The following SLC28A2 variants were observed in gnomAD, a reference collection of about 807,000 sequenced individuals.
The protein encoded by SLC28A2 is solute carrier family 28 member 2.
A neutral mutation model predicts 72.9 loss-of-function variants in SLC28A2; 69 were observed. The observed-to-expected ratio is 0.95, with a 90% CI of 0.78 to 1.16. The LOEUF is 1.16. Ranked by LOEUF, SLC28A2 falls within the 50% of genes most tolerant of loss-of-function variation. SLC28A2 has a pLI of 0.00. For synonymous variants in SLC28A2, 296 were observed against 294.1 expected, an observed-to-expected ratio of 1.01 and a Z score of -0.07; for missense variants, 745 against 791.1, an observed-to-expected ratio of 0.94 and a Z score of 0.70.
In SLC28A2 at chr15:45,272,306, C is replaced by T. The variant is rs751869186; in HGVS notation, c.1660C>T (p.Pro554Ser). The change falls in exon 16 of 18, where the codon CCT becomes TCT. Residue 554 changes from proline to serine, a missense_variant. By Grantham distance (74) the Pro-to-Ser change is moderately conservative. Transcript: ENST00000347644. ...ITLGGLTSIV[P>S]HRKSDLSKVV... ...TTTATTGTCTGCAGCATCAATAGTA[C>T]CTCACCGGAAGAGTGACTTGTCCAA... 2 of 1,613,500 alleles carry T rather than the reference C, an allele frequency of 1.2e-6. No individual in the cohort carries two copies. The highest frequency in any genetic ancestry group is 1.7e-5 in the Admixed American group (1 of 59,974).
At position 45,275,544 on chromosome 15, in the gene SLC28A2, G is replaced by C. The variant is rs755057920; in HGVS notation, c.*31G>C. 7.2e-7 allele frequency: 1 copy of C among 1,394,118 alleles called. No individual in the cohort carries two copies. Among genetic ancestry groups the C allele is most frequent in the East Asian group, 2.3e-5 (1 of 43,794 alleles). 86.4% of individuals were successfully genotyped at this position (1,394,118 alleles called of 1,614,324 possible). A position where few individuals can be genotyped will look rare whatever the true frequency, so the allele number is the denominator to read the frequency against. ...CTTGATCTATTTCTATAACAGTTTT[G>C]ATCTTAAAAGCTTTGTGATTGCAAA... On this transcript the variant is annotated 3_prime_UTR_variant, in exon 18 of 18. Coordinates refer to ENST00000347644, the MANE Select transcript of SLC28A2 (RefSeq NM_004212.4).
At chr15:45,267,330 C>A in intron 10 of SLC28A2, 125 bp from the exon 11 acceptor site, 1 of 1,030,224 alleles carries the variant, frequency 9.7e-7, no homozygotes, top group Non-Finnish European at 1.5e-6. Flanking sequence ...AGCTGTGGCT[C>A]ACTTAACAGT....
chr15:45,270,299 C>G (rs1567062039), intron 15 of SLC28A2, 23 bp downstream of exon 15: 2 of 1,539,884 alleles, frequency 1.3e-6, no homozygotes, highest in Non-Finnish European at 1.8e-6. Flanking sequence ...ATTTTCCCAG[C>G]TCCCCAGTAA....
At position 45,268,260 on chromosome 15, in the gene SLC28A2, T is replaced by C. The variant is rs780988287; in HGVS notation, c.1250T>C (p.Ile417Thr). The change falls in exon 13 of 18, where the codon ATA becomes ACA. Residue 417 changes from isoleucine (I) to threonine (T), a missense_variant. By Grantham distance (89) the Ile-to-Thr change is moderately conservative (BLOSUM62 -1). Transcript: ENST00000347644. The part of the protein sequence containing the change: ...EAASNGAVDA[I>T]GLATNVAANL... ...GCCAGCAACGGAGCCGTAGATGCCA[T>C]AGGCCTTGCTACTAATGTAGCAGCC... 3.8e-5 allele frequency: 62 copies of C among 1,612,204 alleles called. 5 individuals are homozygous for C. In the South Asian group the frequency reaches 5.4e-4, roughly 14 times the overall value.
intron 3 of SLC28A2, among the ~76,000 whole-genome samples, chr15:45,254,276 G>A (rs1899905038): frequency 6.6e-6 from 1 of 152,172 alleles, no homozygotes; most frequent in Non-Finnish European, 1.5e-5. Context: ...ATACGGTCAT[G>A]AGCTACATAA....
intron 3 of SLC28A2, among the ~76,000 whole-genome samples, chr15:45,257,448 G>T (rs957891020): frequency 1.6e-4 from 25 of 151,920 alleles, no homozygotes; most frequent in African/African-American, 5.8e-4. Flanking sequence ...CTATAACACT[G>T]GAAACAATGC....
chr15:45,272,186 T>C, intron 15 of SLC28A2, 109 bp from the exon 16 acceptor site: 1 of 794,134 alleles, frequency 1.3e-6, no homozygotes, highest in African/African-American at 1.7e-5. Context: ...AGGATGCTCT[T>C]CATCGGCTGT....
At position 45,275,447 on chromosome 15, in the gene SLC28A2, T is replaced by C; in HGVS notation, c.1911T>C (p.Asp637=). 1 of 1,613,930 alleles carries C rather than the reference T, an allele frequency of 6.2e-7. No individual in the cohort carries two copies. ...CTTCTTTTTCTGGTCCCTGGGAAGA[T>C]AAGGAGTTCAGTGCTATGGCCCTTA... The part of the protein sequence containing the change: ...NPPSFSGPWE[D]KEFSAMALTN... Residue 637 remains aspartate (D), a synonymous_variant, in exon 18 of 18, where the codon GAT becomes GAC. Transcript: ENST00000347644.
intron 17 of SLC28A2, among the ~76,000 whole-genome samples, chr15:45,273,611 TC>T (rs775565046): frequency 1.3e-5 from 2 of 152,184 alleles, no homozygotes; most frequent in Non-Finnish European, 2.9e-5. Flanking sequence ...ACTGGCATGA[TC>T]AACTATGCTG....
intron 3 of SLC28A2, among the ~76,000 whole-genome samples, chr15:45,260,307 A>G (rs1313340500): frequency 6.6e-6 from 1 of 152,232 alleles, no homozygotes; most frequent in South Asian, 2.1e-4. Flanking sequence ...ATGGGAGTAC[A>G]TTGATGTAGT....
At chr15:45,268,449 A>G in intron 13 of SLC28A2, 71 bp downstream of exon 13, 3 of 1,297,496 alleles carry the variant, frequency 2.3e-6, no homozygotes, top group Non-Finnish European at 3.2e-6. Context: ...TGCATGTCCA[A>G]ATCAAAACCA....
intron 13 of SLC28A2, 70 bp from the exon 14 acceptor site, chr15:45,269,268 G>A: frequency 7.9e-7 from 1 of 1,272,406 alleles, no homozygotes; most frequent in African/African-American, 1.5e-5. Flanking sequence ...AGGCTCCAGA[G>A]AAGGTCCTTG....
intron 17 of SLC28A2, among the ~76,000 whole-genome samples, chr15:45,273,803 G>A (rs1334455019): frequency 2.0e-5 from 3 of 152,162 alleles, no homozygotes; most frequent in Admixed American, 2.0e-4. Context: ...GAGGTGGGGT[G>A]AAGAAGAGGA....
chr15:45,274,392 C>T (rs1329592129), intron 17 of SLC28A2, among the ~76,000 whole-genome samples: 1 of 152,094 alleles, frequency 6.6e-6, no homozygotes, highest in Non-Finnish European at 1.5e-5. Context: ...TGCCTGTAGT[C>T]CCAGCTACCT....
intron 13 of SLC28A2, 88 bp from the exon 14 acceptor site, chr15:45,269,250 T>C (rs1900459220): frequency 1.9e-6 from 2 of 1,036,434 alleles, no homozygotes; most frequent in Admixed American, 1.8e-5. Flanking sequence ...GTGGAAGAGA[T>C]TGGGCCAAGG....
chr15:45,269,094 C>T (rs1261181126), intron 13 of SLC28A2, among the ~76,000 whole-genome samples: 2 of 151,246 alleles, frequency 1.3e-5, no homozygotes, highest in Non-Finnish European at 2.9e-5. Flanking sequence ...GTGCAGCACA[C>T]CAGCATGCCA....
intron 3 of SLC28A2, 157 bp downstream of exon 3, chr15:45,253,677 C>A: frequency 5.6e-6 from 3 of 537,424 alleles, no homozygotes; most frequent in South Asian, 2.8e-5. Flanking sequence ...GTGCCATAAA[C>A]TCCATAAAAA....
Position 45,257,781 on chromosome 15 carries a change from G to A in SLC28A2, c.171-4234G>A, listed in dbSNP as rs1223989222. ...TCTTTCTCTATTCTGATGTTGCTTC[G>A]ACTTTATTAAGTTAATGTGATGATT... On this transcript the variant is annotated intron_variant, in intron 3 of 17. Coordinates refer to ENST00000347644, the MANE Select transcript of SLC28A2 (RefSeq NM_004212.4). Among the ~76,000 whole-genome samples, 3 of 152,120 alleles carry A rather than the reference G, an allele frequency of 2.0e-5. No homozygotes were observed. The South Asian group carries it at 6.2e-4, about 32-fold the overall frequency.
chr15:45,266,172 T>A lies in SLC28A2; in HGVS notation c.942+11T>A, dbSNP rs770918931. 6.3e-7 allele frequency: 1 copy of A among 1,598,004 alleles called. No homozygotes were observed. Reference sequence around the variant, plus strand: ...ATCTTTGTGGGTATGGTAAGCACCTTGAGGACTTTTGGTCTTCTTCCCTCT... The same window carrying A: ...ATCTTTGTGGGTATGGTAAGCACCTAGAGGACTTTTGGTCTTCTTCCCTCT... On this transcript the variant is annotated intron_variant, in intron 10 of 17. Coordinates refer to ENST00000347644, the MANE Select transcript of SLC28A2 (RefSeq NM_004212.4).
Sources: allele counts gnomAD v4.1 joint callset (sites outside exome capture counted in the v4.1 genomes callset), GRCh38; gene constraint gnomAD v4.1.1; transcripts MANE v1.5; gene names NCBI Gene and HGNC (gene_info 2026-07-23, HGNC 2026-07-21).